Variants in MTNAP1 observed in about 807,000 individuals in gnomAD.
MTNAP1 encodes the protein mitochondrial nucleoid associated protein 1, also known as mitochondrial nucleoid-associated protein 1.
the MTNAP1 span, among the ~76,000 whole-genome samples, chr17:73,244,892 G>C: frequency 6.6e-6 from 1 of 152,158 alleles, no homozygotes; most frequent in Non-Finnish European, 1.5e-5. Flanking sequence ...GTGCCTTTCT[G>C]ATCGTCCTGC....
chr17:73,236,455 C>T, the MTNAP1 span: 68 of 1,614,022 alleles, frequency 4.2e-5, no homozygotes, highest in East Asian at 1.3e-4. Flanking sequence ...AAAGCAGGAA[C>T]GGACTGTCAT....
the MTNAP1 span, chr17:73,248,785 T>C: frequency 2.3e-5 from 10 of 438,714 alleles, no homozygotes; most frequent in African/African-American, 1.4e-4. Flanking sequence ...CTGAATAATA[T>C]CTGAAAGACT....
At chr17:73,243,122 A>G in the MTNAP1 span, 2 of 758,840 alleles carry the variant, frequency 2.6e-6, no homozygotes, top group Non-Finnish European at 4.4e-6. Context: ...AGTATCTGGC[A>G]TGCCCTGGTG....
chr17:73,242,190 G>A, the MTNAP1 span: 1 of 1,216,048 alleles, frequency 8.2e-7, no homozygotes, highest in Non-Finnish European at 1.2e-6. Context: ...TGGATGTTAG[G>A]GAAGGGGGTA....
chr17:73,232,610 G>C, the MTNAP1 span: 1 of 317,660 alleles, frequency 3.1e-6, no homozygotes, highest in Non-Finnish European at 5.7e-6. Context: ...ATCCGGCAGT[G>C]GTGCAGACGG....
the MTNAP1 span, chr17:73,233,077 T>C: frequency 6.6e-6 from 1 of 152,368 alleles, no homozygotes; most frequent in Non-Finnish European, 1.5e-5. Flanking sequence ...AGTGGAACTA[T>C]TGAGGTCCTC....
At chr17:73,245,211 A>G in the MTNAP1 span, 1 of 1,613,474 alleles carries the variant, frequency 6.2e-7, no homozygotes, top group East Asian at 2.2e-5. Context: ...GACATCACTT[A>G]AAGCTCTGGA....
At chr17:73,236,891 C>T in the MTNAP1 span, 2 of 1,614,072 alleles carry the variant, frequency 1.2e-6, no homozygotes. Context: ...GAGCTCTATC[C>T]TGGTTACCTT....
At chr17:73,243,053 G>T in the MTNAP1 span, 2 of 1,278,704 alleles carry the variant, frequency 1.6e-6, no homozygotes, top group Non-Finnish European at 2.2e-6. Context: ...ATTCCGTTAT[G>T]TGGACCTCCA....
chr17:73,237,073 A>T, the MTNAP1 span: 2 of 1,324,708 alleles, frequency 1.5e-6, no homozygotes, highest in Non-Finnish European at 2.0e-6. Context: ...AAGGGTCAAA[A>T]TACTAACATT....
chr17:73,240,908 A>G, the MTNAP1 span, among the ~76,000 whole-genome samples: 1 of 152,178 alleles, frequency 6.6e-6, no homozygotes, highest in Admixed American at 6.5e-5. Flanking sequence ...TTCACCTTGC[A>G]AGAGAATTAT....
the MTNAP1 span, among the ~76,000 whole-genome samples, chr17:73,241,916 G>C: frequency 6.6e-6 from 1 of 152,278 alleles, no homozygotes; most frequent in Admixed American, 6.5e-5. Flanking sequence ...GCGAGAGAGT[G>C]AGACTGTGTC....
At chr17:73,236,223 C>A in the MTNAP1 span, 2 of 1,614,160 alleles carry the variant, frequency 1.2e-6, no homozygotes, top group Non-Finnish European at 1.7e-6. Context: ...CATTATTAAG[C>A]AATGAGAGAG....
chr17:73,235,048 C>T, the MTNAP1 span, among the ~76,000 whole-genome samples: 1 of 151,924 alleles, frequency 6.6e-6, no homozygotes, highest in Non-Finnish European at 1.5e-5. Flanking sequence ...ACGGTGAAAC[C>T]CCGTCTTTAC....
chr17:73,236,810 C>T, the MTNAP1 span: 2 of 1,614,108 alleles, frequency 1.2e-6, no homozygotes, highest in South Asian at 1.1e-5. Flanking sequence ...CCTCAGAGCC[C>T]CTTCACCAAT....
At chr17:73,236,446 A>T in the MTNAP1 span, 1 of 1,614,180 alleles carries the variant, frequency 6.2e-7, no homozygotes, top group Non-Finnish European at 8.5e-7. Flanking sequence ...TGCAACAGAA[A>T]AGCAGGAACG....
chr17:73,236,490 C>T, the MTNAP1 span: 1 of 1,614,180 alleles, frequency 6.2e-7, no homozygotes, highest in South Asian at 1.1e-5. Context: ...AGAACTTCAA[C>T]ACCAGGGATT....
At chr17:73,243,606 G>A in the MTNAP1 span, among the ~76,000 whole-genome samples, 1 of 143,110 alleles carries the variant, frequency 7.0e-6, no homozygotes, top group Non-Finnish European at 1.5e-5. Flanking sequence ...TCAGCTCACT[G>A]TAACCTCTGC....
At chr17:73,242,919 A>G in the MTNAP1 span, 2 of 1,613,948 alleles carry the variant, frequency 1.2e-6, no homozygotes, top group South Asian at 1.1e-5. Flanking sequence ...CAACACCACC[A>G]TAAGGAAGAG....
Sources: gnomAD v4.1 joint callset for allele counts (sites outside exome capture counted in the v4.1 genomes callset) on GRCh38, gnomAD v4.1.1 for gene constraint, MANE v1.5 for transcripts, NCBI Gene and HGNC (gene_info 2026-07-23, HGNC 2026-07-21) for gene names.